The following SV2B variants were observed in gnomAD, a reference collection of about 807,000 sequenced individuals.
The protein encoded by SV2B is solute carrier family 22 member B2.
A neutral mutation model predicts 73.9 loss-of-function variants in SV2B; 41 were observed. The observed-to-expected ratio is 0.56, with a 90% CI of 0.43 to 0.72. The LOEUF is 0.72. Among genes scored for constraint, SV2B ranks in the 30% least tolerant of loss-of-function variants. SV2B has a pLI of 0.00. For missense variants in SV2B, 764 were observed against 857.8 expected (o/e 0.89, Z 1.37); for synonymous variants, 314 against 314.2 (o/e 1.00, Z 0.01).
intron 1 of SV2B, among the ~76,000 whole-genome samples, chr15:91,176,883 C>A (rs924331286): frequency 2.0e-5 from 3 of 152,092 alleles, no homozygotes; most frequent in African/African-American, 7.2e-5. Context: ...TGTGCAGAAG[C>A]TCTTTAGTTT....
At chr15:91,264,921 A>G (rs1237666037) in intron 6 of SV2B, among the ~76,000 whole-genome samples, 1 of 152,194 alleles carries the variant, frequency 6.6e-6, no homozygotes. Flanking sequence ...CCCAACAGGA[A>G]GAAGGACTTA....
rs1324831288 is a variant in SV2B, at chr15:91,236,440, C to T, written c.451+9726C>T. ...ATCTTCCAGACCACAGAAAGCACAA[C>T]AGAAATGAATGGGAGGAATTCTTAA... On this transcript the variant is annotated intron_variant, in intron 2 of 12. Coordinates refer to ENST00000394232, the MANE Select transcript of SV2B (RefSeq NM_001323032.3). This position sits in a 1 kb window ranked among gnomAD's most constrained non-coding sequence, Gnocchi z 4.1. Among the ~76,000 whole-genome samples the T allele has an allele frequency of 6.6e-6, 1 of 152,050 alleles. No homozygotes were observed.
chr15:91,157,197 G>A (rs1031657055), intron 1 of SV2B, among the ~76,000 whole-genome samples: 4 of 152,126 alleles, frequency 2.6e-5, no homozygotes, highest in East Asian at 1.9e-4. Flanking sequence ...AGAACCTTCC[G>A]GGAAGCATGT....
At chr15:91,185,763 A>G (rs2044745455) in intron 1 of SV2B, among the ~76,000 whole-genome samples, 1 of 152,226 alleles carries the variant, frequency 6.6e-6, no homozygotes, top group Non-Finnish European at 1.5e-5. Context: ...GTACCTTGCA[A>G]GGCAGATTGT....
chr15:91,149,225 G>A (rs1042074306), intron 1 of SV2B, among the ~76,000 whole-genome samples: 1 of 152,238 alleles, frequency 6.6e-6, no homozygotes, highest in Non-Finnish European at 1.5e-5. Flanking sequence ...GCCTGAGGAT[G>A]CCTGCAGGCA....
chr15:91,207,185 CT>C (rs1228201080), intron 1 of SV2B, among the ~76,000 whole-genome samples: 3,063 of 126,872 alleles, frequency 0.024, 31 homozygotes, highest in Middle Eastern at 0.057. Context: ...TTATGCCTGG[CT>C]TTTTTTTTTT....
chr15:91,112,583 G>A (rs2042067148), intron 1 of SV2B, among the ~76,000 whole-genome samples: 1 of 152,170 alleles, frequency 6.6e-6, no homozygotes, highest in Non-Finnish European at 1.5e-5. Context: ...AAAGATGAGA[G>A]AGAAGCAAGG....
intron 1 of SV2B, among the ~76,000 whole-genome samples, chr15:91,180,698 T>C (rs1321065068): frequency 6.6e-6 from 1 of 152,252 alleles, no homozygotes; most frequent in Admixed American, 6.5e-5. Flanking sequence ...CTCCTGAGGC[T>C]TCTGCATTCT....
At chr15:91,173,336 C>T (rs969353691) in intron 1 of SV2B, among the ~76,000 whole-genome samples, 2 of 152,068 alleles carry the variant, frequency 1.3e-5, no homozygotes, top group Non-Finnish European at 2.9e-5. Flanking sequence ...GTGCGTGGTA[C>T]GAGCTGTGTC....
chr15:91,274,215 A>G (rs1472835227), intron 9 of SV2B, among the ~76,000 whole-genome samples: 2 of 152,228 alleles, frequency 1.3e-5, no homozygotes, highest in Non-Finnish European at 2.9e-5. Context: ...TGTACCTAGA[A>G]GAGGAATTGC....
chr15:91,158,185 A>T (rs1205479104), intron 1 of SV2B, among the ~76,000 whole-genome samples: 1 of 152,182 alleles, frequency 6.6e-6, no homozygotes, highest in Non-Finnish European at 1.5e-5. Flanking sequence ...TGTTTGGGTC[A>T]AGAGGGCTCT....
At chr15:91,159,360 G>T (rs548515702) in intron 1 of SV2B, among the ~76,000 whole-genome samples, 17 of 152,308 alleles carry the variant, frequency 1.1e-4, no homozygotes, top group Middle Eastern at 3.4e-3. Context: ...ACACAGTGAA[G>T]CTCTGCTCTA....
chr15:91,286,759 G>A (rs1026325335), intron 11 of SV2B, among the ~76,000 whole-genome samples: 1 of 152,106 alleles, frequency 6.6e-6, no homozygotes, highest in African/African-American at 2.4e-5. Context: ...TCACAGAAAG[G>A]TGAAGCAACT....
intron 2 of SV2B, among the ~76,000 whole-genome samples, chr15:91,235,136 G>A (rs1434787823): frequency 6.6e-6 from 1 of 152,200 alleles, no homozygotes; most frequent in Non-Finnish European, 1.5e-5. Flanking sequence ...AGAACCCATA[G>A]AATGTTATTG....
chr15:91,144,392 G>A (rs2043086161), intron 1 of SV2B, among the ~76,000 whole-genome samples: 1 of 151,862 alleles, frequency 6.6e-6, no homozygotes, highest in Admixed American at 6.6e-5. Flanking sequence ...TATCTCTCCA[G>A]CTCTTGGGTT....
At chr15:91,210,807 A>G (rs1171741295) in intron 1 of SV2B, among the ~76,000 whole-genome samples, 1 of 152,228 alleles carries the variant, frequency 6.6e-6, no homozygotes, top group African/African-American at 2.4e-5. Context: ...GCTAGAGAAT[A>G]TCTTATGTGT....
chr15:91,202,102 A>G (rs189005178), intron 1 of SV2B, among the ~76,000 whole-genome samples: 68 of 152,266 alleles, frequency 4.5e-4, no homozygotes, highest in Non-Finnish European at 1.6e-4. Flanking sequence ...GTCACCTATC[A>G]TGAGATCTCT....
rs201210685 is a variant in SV2B at position 91,261,695 on chromosome 15, TAG to T, written c.1008+1289_1008+1290del. On this transcript the variant is annotated intron_variant, in intron 6 of 12. Transcript: ENST00000394232. The surrounding 1 kb of genome is among the most constrained non-coding windows in gnomAD (Gnocchi z 4.7). ...TACCAATCTACAATGCCACAGGCAA[TAG>T]AGGACCCATTTCTTTACACCCTTAC... 4.5e-3 allele frequency among the ~76,000 whole-genome samples: 688 copies of T among 152,330 alleles called. 8 individuals carry two copies. Among genetic ancestry groups the T allele is most frequent in the African/African-American group, 0.013 (538 of 41,572 alleles).
chr15:91,251,475 A>T (rs8029507), intron 2 of SV2B, among the ~76,000 whole-genome samples: 2,137 of 152,336 alleles, frequency 0.014, 46 homozygotes, highest in African/African-American at 0.047. Flanking sequence ...ATAATCCACC[A>T]GTTGAGGGCT....
Sources: gnomAD v4.1 joint callset for allele counts (sites outside exome capture counted in the v4.1 genomes callset) on GRCh38, gnomAD v4.1.1 for gene constraint, Gnocchi (gnomAD v3.1) non-coding constraint, MANE v1.5 for transcripts, NCBI Gene and HGNC (gene_info 2026-07-23, HGNC 2026-07-21) for gene names.